The following EVI2A variants were observed in gnomAD, a reference collection of about 807,000 sequenced individuals.
The protein encoded by EVI2A is protein EVI2A.
A neutral mutation model predicts 13.0 loss-of-function variants in EVI2A; 11 were observed. The observed-to-expected ratio is 0.85, with a 90% CI of 0.53 to 1.40. EVI2A has a LOEUF of 1.40. EVI2A is among the 40% of genes most tolerant of loss of function. EVI2A has a pLI of 0.00. For synonymous variants in EVI2A, 89 were observed against 98.0 expected, an observed-to-expected ratio of 0.91 and a Z score of 0.54; for missense variants, 267 against 279.5, an observed-to-expected ratio of 0.96 and a Z score of 0.32.
chr17:31,319,000 A>C lies in EVI2A; in HGVS notation c.14T>G (p.Met5Arg). The C allele has an allele frequency of 6.2e-7, 1 of 1,604,742 alleles. No individual in the cohort carries two copies. Among genetic ancestry groups the C allele is most frequent in the African/African-American group, 1.3e-5 (1 of 74,734 alleles). The stretch of plus-strand genomic sequence containing the variant: ...ATGTAGGTAATGTCCTGTGTGTTCC[A>C]TGTCCGTGGGCATGCTTGGCAATCT... Reference protein sequence around the residue: MPTDMEHTGHYLHLA... With the variant: MPTDREHTGHYLHLA... The change falls in exon 2 of 2, where the codon ATG becomes AGG. Residue 5 changes from methionine to arginine, a missense_variant. Met to Arg is a moderately conservative substitution (Grantham distance 91). Transcript: ENST00000462804.
chr17:31,318,355 T>C lies in EVI2A; in HGVS notation c.659A>G (p.Glu220Gly). 1 of 1,611,956 alleles carries C rather than the reference T, an allele frequency of 6.2e-7. No homozygotes were observed. Among genetic ancestry groups the C allele is most frequent in the African/African-American group, 1.3e-5 (1 of 74,864 alleles). Residue 220 changes from glutamate to glycine, a missense_variant, in exon 2 of 2, where the codon GAA becomes GGA. Transcript: ENST00000462804. ...QSTGVLTATR[E>G]RKDEEGTEKL... ...TTCAGTTCCTTCTTCATCTTTTCTT[T>C]CCCTTGTAGCTGTGAGCACTCCAGT... is the stretch of plus-strand genomic sequence containing the variant.
Position 31,318,351 on chromosome 17 carries a change from T to C in EVI2A, c.663A>G (p.Arg221=), listed in dbSNP as rs1404524672. The C allele has an allele frequency of 6.2e-7, 1 of 1,611,878 alleles. No homozygotes were observed. The highest frequency in any genetic ancestry group is 1.3e-5 in the African/African-American group (1 of 74,760). ...GTTTTTCAGTTCCTTCTTCATCTTT[T>C]CTTTCCCTTGTAGCTGTGAGCACTC... ...STGVLTATRE[R]KDEEGTEKLT... Residue 221 remains arginine, a synonymous_variant, in exon 2 of 2, where the codon AGA becomes AGG. Coordinates refer to ENST00000462804, the MANE Select transcript of EVI2A (RefSeq NM_014210.4).
Position 31,317,374 on chromosome 17 carries a change from C to A in EVI2A, c.*929G>T, listed in dbSNP as rs1691163632. 6.6e-6 allele frequency among the ~76,000 whole-genome samples: 1 copy of A among 150,404 alleles called. No individual in the cohort carries two copies. Among genetic ancestry groups the A allele is most frequent in the African/African-American group, 2.5e-5 (1 of 40,656 alleles). ...ATGCAGTTTTCCAGATTTGAACACA[C>A]ACACACACACACACACACACACACA... is the stretch of plus-strand genomic sequence containing the variant. On this transcript the variant is annotated 3_prime_UTR_variant, in exon 2 of 2. Coordinates refer to ENST00000462804, the MANE Select transcript of EVI2A (RefSeq NM_014210.4).
intron 1 of EVI2A, 139 bp downstream of exon 1, chr17:31,321,356 A>G (rs994968148): frequency 3.9e-5 from 6 of 152,182 alleles, no homozygotes; most frequent in Admixed American, 6.5e-5. Flanking sequence ...CAGGACAGAA[A>G]AAAAAAGTAT....
rs767609814 is a variant in EVI2A, at chr17:31,318,416, T to C, written c.598A>G (p.Lys200Glu). The change falls in exon 2 of 2, where the codon AAA becomes GAA. Residue 200 changes from lysine (K) to glutamate (E), a missense_variant. Physicochemically the swap from Lys to Glu is moderately conservative, Grantham distance 56 (BLOSUM62 1). Coordinates refer to ENST00000462804, the MANE Select transcript of EVI2A (RefSeq NM_014210.4). ...PAESDTWKRT[K>E]QLTGPNLVMQ... ...ACTAGGTTGGGTCCTGTGAGCTGTTTTGTTCTTTTCCAAGTGTCTGATTCA... is the reference window on the plus strand; with the variant it reads ...ACTAGGTTGGGTCCTGTGAGCTGTTCTGTTCTTTTCCAAGTGTCTGATTCA... 1.9e-6 allele frequency: 3 copies of C among 1,614,016 alleles called. No individual in the cohort carries two copies. Among genetic ancestry groups the C allele is most frequent in the South Asian group, 1.1e-5 (1 of 91,076 alleles).
chr17:31,320,390 G>T, intron 1 of EVI2A: 2 of 1,608,394 alleles, frequency 1.2e-6, no homozygotes, highest in Non-Finnish European at 8.5e-7. Context: ...GTATAGGTAG[G>T]GCCTGAAAGT....
intron 1 of EVI2A, 92 bp from the exon 2 acceptor site, chr17:31,319,115 A>T: frequency 1.5e-6 from 2 of 1,327,918 alleles, no homozygotes; most frequent in Middle Eastern, 1.9e-4. Flanking sequence ...TTGAGATGTT[A>T]CAAGTAAACT....
rs764411984 is a variant in EVI2A, at chr17:31,318,766, A to T, written c.248T>A (p.Ile83Asn). Residue 83 changes from isoleucine to asparagine, a missense_variant, in exon 2 of 2, where the codon ATC becomes AAC. Transcript: ENST00000462804. ...TTCAGATTTAGAAGTTAAAGCTACGATGTGAGATGTTTCAGGCATGTTTGT... is the reference window on the plus strand; with the variant it reads ...TTCAGATTTAGAAGTTAAAGCTACGTTGTGAGATGTTTCAGGCATGTTTGT... Reference protein sequence around the residue: ...NSTNMPETSHIVALTSKSEQE... With the variant: ...NSTNMPETSHNVALTSKSEQE... 5 of 1,613,960 alleles carry T rather than the reference A, an allele frequency of 3.1e-6. No individual in the cohort carries two copies. The highest frequency in any genetic ancestry group is 1.6e-4 in the Middle Eastern group (1 of 6,084).
chr17:31,320,379 A>C, intron 1 of EVI2A: 1 of 1,601,814 alleles, frequency 6.2e-7, no homozygotes, highest in Non-Finnish European at 8.5e-7. Flanking sequence ...TTACCTAGCT[A>C]GTATAGGTAG....
At position 31,321,482 on chromosome 17, in the gene EVI2A, A is replaced by G. The variant is rs2069191060; in HGVS notation, c.-11+13T>C. ...TGAAAAGGCATAAGAAAAGCCGTATATATATGACCTACCTTACAAAATGCT... is the reference window on the plus strand; with the variant it reads ...TGAAAAGGCATAAGAAAAGCCGTATGTATATGACCTACCTTACAAAATGCT... On this transcript the variant is annotated intron_variant, in intron 1 of 1. Coordinates refer to ENST00000462804, the MANE Select transcript of EVI2A (RefSeq NM_014210.4). The G allele has an allele frequency of 6.6e-6, 1 of 152,222 alleles. No individual in the cohort carries two copies. Among genetic ancestry groups the G allele is most frequent in the Non-Finnish European group, 1.5e-5 (1 of 68,044 alleles). The allele number at this position is 152,222 out of a possible 1,614,324, so 9.4% of individuals were successfully genotyped here.
rs751965968 is a variant in EVI2A, at chr17:31,318,267, A to G, written c.*36T>C. Reference sequence around the variant, plus strand: ...TACCAACTGACTTCATTTTTACTCCATAAGCCTTCTCATTGCTACTTTGCA... The same window carrying G: ...TACCAACTGACTTCATTTTTACTCCGTAAGCCTTCTCATTGCTACTTTGCA... On this transcript the variant is annotated 3_prime_UTR_variant, in exon 2 of 2. Coordinates refer to ENST00000462804, the MANE Select transcript of EVI2A (RefSeq NM_014210.4). 1.0e-5 allele frequency: 16 copies of G among 1,565,690 alleles called. No homozygotes were observed. The highest frequency in any genetic ancestry group is 1.4e-5 in the African/African-American group (1 of 72,906).
chr17:31,317,476 A>G lies in EVI2A; in HGVS notation c.*827T>C, dbSNP rs1567891895. On this transcript the variant is annotated 3_prime_UTR_variant, in exon 2 of 2. Coordinates refer to ENST00000462804, the MANE Select transcript of EVI2A (RefSeq NM_014210.4). ...TAATCAACCTTTGGTACTTGTTGTT[A>G]ATGTTCCAGTAAGTAGTATTTATAG... 6.6e-6 allele frequency: 1 copy of G among 151,806 alleles called. No individual in the cohort carries two copies. The highest frequency in any genetic ancestry group is 6.6e-5 in the Admixed American group (1 of 15,198). The allele number at this position is 151,806 out of a possible 1,614,324, so 9.4% of individuals were successfully genotyped here.
At position 31,318,580 on chromosome 17, in the gene EVI2A, A is replaced by G. The variant is rs773596609; in HGVS notation, c.434T>C (p.Leu145Pro). The G allele has an allele frequency of 6.2e-7, 1 of 1,614,120 alleles. No individual in the cohort carries two copies. Among genetic ancestry groups the G allele is most frequent in the South Asian group, 1.1e-5 (1 of 91,088 alleles). Residue 145 changes from leucine (L) to proline (P), a missense_variant, in exon 2 of 2, where the codon CTT becomes CCT. Transcript: ENST00000462804. ...MLICLIIIAV[L>P]FLICTFLFLS... ...AAATAGAAAGGTACAGATAAGAAAAAGCACTGCAATTATAATTAAGCAAAT... is the reference window on the plus strand; with the variant it reads ...AAATAGAAAGGTACAGATAAGAAAAGGCACTGCAATTATAATTAAGCAAAT...
rs2069038082 is a variant in EVI2A, at chr17:31,317,024, C to G, written c.*1279G>C. The stretch of plus-strand genomic sequence containing the variant: ...TAGGCATTGGTGTTTTTTAAAAACT[C>G]TTCAGGTGATTCTGACATGCAGCCA... On this transcript the variant is annotated 3_prime_UTR_variant, in exon 2 of 2. Coordinates refer to ENST00000462804, the MANE Select transcript of EVI2A (RefSeq NM_014210.4). Among the ~76,000 whole-genome samples, 1 of 152,064 alleles carries G rather than the reference C, an allele frequency of 6.6e-6. No individual in the cohort carries two copies. The highest frequency in any genetic ancestry group is 2.4e-5 in the African/African-American group (1 of 41,396).
Position 31,318,497 on chromosome 17 carries a change from C to G in EVI2A, c.517G>C (p.Gly173Arg), listed in dbSNP as rs184707635. 4.3e-6 allele frequency: 7 copies of G among 1,614,018 alleles called. No homozygotes were observed. The Admixed American group carries it at 1.2e-4, about 27-fold the overall frequency. ...CCATTGCTTCTAGGCTGACGCTTGCCTACTTGTTTTGATCGTCTGAGAGAA... is the reference window on the plus strand; with the variant it reads ...CCATTGCTTCTAGGCTGACGCTTGCGTACTTGTTTTGATCGTCTGAGAGAA... ...VSSLRRSKQV[G>R]KRQPRSNGDF... The change falls in exon 2 of 2, where the codon GGC becomes CGC. Residue 173 changes from glycine (G) to arginine (R), a missense_variant. Physicochemically the swap from Gly to Arg is moderately radical, Grantham distance 125. Coordinates refer to ENST00000462804, the MANE Select transcript of EVI2A (RefSeq NM_014210.4).
chr17:31,318,334 G>A lies in EVI2A; in HGVS notation c.680C>T (p.Thr227Ile), dbSNP rs746092757. ...ATRERKDEEG[T>I]EKLTNKQIG Reference sequence around the variant, plus strand: ...TATCTGTTTGTTAGTAAGTTTTTCAGTTCCTTCTTCATCTTTTCTTTCCCT... The same window carrying A: ...TATCTGTTTGTTAGTAAGTTTTTCAATTCCTTCTTCATCTTTTCTTTCCCT... The change falls in exon 2 of 2, where the codon ACT becomes ATT. Residue 227 changes from threonine to isoleucine, a missense_variant. By Grantham distance (89) the Thr-to-Ile change is moderately conservative (BLOSUM62 -1). Coordinates refer to ENST00000462804, the MANE Select transcript of EVI2A (RefSeq NM_014210.4). 2 of 1,609,928 alleles carry A rather than the reference G, an allele frequency of 1.2e-6. No individual in the cohort carries two copies. The highest frequency in any genetic ancestry group is 2.2e-5 in the South Asian group (2 of 90,162).
At chr17:31,319,765 AAAAAAC>A (rs1567893780) in intron 1 of EVI2A, among the ~76,000 whole-genome samples, 1 of 151,976 alleles carries the variant, frequency 6.6e-6, no homozygotes, top group Non-Finnish European at 1.5e-5. Flanking sequence ...GAAAAAAAAA[AAAAAAC>A]AGCAAATTTC....
At position 31,318,471 on chromosome 17, in the gene EVI2A, G is replaced by A. The variant is rs201100937; in HGVS notation, c.543C>T (p.Gly181=). The part of the protein sequence containing the change: ...QVGKRQPRSN[G]DFLASGLWPA... ...GCCATAGACCGCTTGCCAGAAAATC[G>A]CCATTGCTTCTAGGCTGACGCTTGC... The change falls in exon 2 of 2, where the codon GGC becomes GGT. Residue 181 remains glycine, a synonymous_variant. Transcript: ENST00000462804. 2.5e-5 allele frequency: 41 copies of A among 1,613,950 alleles called. No individual in the cohort carries two copies. The highest frequency in any genetic ancestry group is 1.6e-4 in the Middle Eastern group (1 of 6,062).
At position 31,316,725 on chromosome 17, in the gene EVI2A, A is replaced by G. The variant is rs551444630; in HGVS notation, c.*1578T>C. On this transcript the variant is annotated 3_prime_UTR_variant, in exon 2 of 2. Coordinates refer to ENST00000462804, the MANE Select transcript of EVI2A (RefSeq NM_014210.4). Reference sequence around the variant, plus strand: ...ATTTCAGTCACCATGACTGGCATGAATATTCTCATGCTTTCCTTTTTACTT... The same window carrying G: ...ATTTCAGTCACCATGACTGGCATGAGTATTCTCATGCTTTCCTTTTTACTT... Among the ~76,000 whole-genome samples the G allele has an allele frequency of 6.6e-5, 10 of 152,240 alleles. No individual in the cohort carries two copies. Among genetic ancestry groups the G allele is most frequent in the Admixed American group, 2.6e-4 (4 of 15,284 alleles).
Sources: allele counts gnomAD v4.1 joint callset (sites outside exome capture counted in the v4.1 genomes callset), GRCh38; gene constraint gnomAD v4.1.1; transcripts MANE v1.5; gene names NCBI Gene and HGNC (gene_info 2026-07-23, HGNC 2026-07-21).